Variants in CTNNB1 observed in about 807,000 individuals in gnomAD.
CTNNB1 encodes catenin beta-1.
CTNNB1 carries 6 observed loss-of-function variants against 82.5 expected under a neutral mutation model. That is an observed-to-expected ratio of 0.07 (90% CI 0.04 to 0.14). The LOEUF is 0.14. CTNNB1 is among the 10% of genes least tolerant of loss of function. The pLI is 1.00. For synonymous variants in CTNNB1, 312 were observed against 329.7 expected, an observed-to-expected ratio of 0.95 and a Z score of 0.58; for missense variants, 529 against 980.4, an observed-to-expected ratio of 0.54 and a Z score of 6.15.
Position 41,239,712 on chromosome 3 carries a change from T to G in CTNNB1, c.*370T>G. 5.3e-6 allele frequency: 2 copies of G among 380,734 alleles called. No individual in the cohort carries two copies. The highest frequency in any genetic ancestry group is 9.7e-6 in the Non-Finnish European group (2 of 205,344). The allele number at this position is 380,734 out of a possible 1,614,324, so 23.6% of individuals were successfully genotyped here. ...TGGCCTGTAGAGTTGCTGAGAGGGC[T>G]CGAGGGGTGGGCTGGTATCTCAGAA... is the stretch of plus-strand genomic sequence containing the variant. On this transcript the variant is annotated 3_prime_UTR_variant, in exon 15 of 15. Coordinates refer to ENST00000349496, the MANE Select transcript of CTNNB1 (RefSeq NM_001904.4).
intron 7 of CTNNB1, among the ~76,000 whole-genome samples, chr3:41,231,446 G>C (rs1575326193): frequency 6.6e-6 from 1 of 152,226 alleles, no homozygotes; most frequent in East Asian, 1.9e-4. Flanking sequence ...GGTAAGCAGA[G>C]CCATAACATG....
intron 10 of CTNNB1, chr3:41,235,219 C>T (rs1451284797): frequency 5.9e-6 from 1 of 168,614 alleles, no homozygotes. Context: ...AAGCTATCTT[C>T]CTTCTATACA....
intron 6 of CTNNB1, among the ~76,000 whole-genome samples, chr3:41,226,865 A>T (rs1345267459): frequency 6.6e-6 from 1 of 152,230 alleles, no homozygotes; most frequent in Non-Finnish European, 1.5e-5. Context: ...TCAGTGAATC[A>T]GTTTTGATAT....
intron 1 of CTNNB1, among the ~76,000 whole-genome samples, chr3:41,208,406 C>G (rs2077698943): frequency 6.6e-6 from 1 of 152,114 alleles, no homozygotes; most frequent in African/African-American, 2.4e-5. Flanking sequence ...CTACATATTC[C>G]CATTGTCATA....
chr3:41,231,561 A>G (rs2078310311), intron 7 of CTNNB1, among the ~76,000 whole-genome samples: 1 of 152,170 alleles, frequency 6.6e-6, no homozygotes, highest in African/African-American at 2.4e-5. Context: ...TCAGTTTGGA[A>G]GGCTAGGTGG....
Position 41,234,305 on chromosome 3 carries a change from A to C in CTNNB1, c.1683+8A>C. 1 of 1,614,098 alleles carries C rather than the reference A, an allele frequency of 6.2e-7. No homozygotes were observed. Among genetic ancestry groups the C allele is most frequent in the Non-Finnish European group, 8.5e-7 (1 of 1,179,978 alleles). On this transcript the variant is annotated splice_region_variant and intron_variant, in intron 10 of 14. Transcript: ENST00000349496. ...ACACAGCAGCAATTTGTGGTAGGTAAATTCTTACAGTGATACCTGGCTATC... is the reference window on the plus strand; with the variant it reads ...ACACAGCAGCAATTTGTGGTAGGTACATTCTTACAGTGATACCTGGCTATC...
intron 1 of CTNNB1, among the ~76,000 whole-genome samples, chr3:41,218,389 C>T (rs1051091893): frequency 6.6e-6 from 1 of 152,028 alleles, no homozygotes; most frequent in South Asian, 2.1e-4. Flanking sequence ...GAACTGGTTC[C>T]TCCTTATAGT....
At chr3:41,206,368 T>C (rs1214229685) in intron 1 of CTNNB1, among the ~76,000 whole-genome samples, 1 of 152,176 alleles carries the variant, frequency 6.6e-6, no homozygotes, top group Non-Finnish European at 1.5e-5. Flanking sequence ...TGTGATAAGC[T>C]TCTCTTACTA....
Position 41,228,782 on chromosome 3 carries a change from G to A in CTNNB1, c.1081+1430G>A, listed in dbSNP as rs568559988. 3.9e-5 allele frequency among the ~76,000 whole-genome samples: 6 copies of A among 152,200 alleles called. No homozygotes were observed. In the East Asian group the frequency reaches 9.7e-4, roughly 24 times the overall value. ...TGTTGCAACTTCTCTTGGCATCTTC[G>A]TCATGAAATCTTTGCCAGGTCTTAT... On this transcript the variant is annotated intron_variant, in intron 7 of 14. Coordinates refer to ENST00000349496, the MANE Select transcript of CTNNB1 (RefSeq NM_001904.4).
intron 1 of CTNNB1, among the ~76,000 whole-genome samples, chr3:41,201,997 CTA>C (rs2077542874): frequency 1.3e-5 from 2 of 151,930 alleles, no homozygotes; most frequent in Non-Finnish European, 2.9e-5. Flanking sequence ...GTTAGCAAAA[CTA>C]TTGCAGATAC....
intron 1 of CTNNB1, among the ~76,000 whole-genome samples, chr3:41,217,117 T>A (rs1010650632): frequency 7.2e-5 from 11 of 152,322 alleles, no homozygotes; most frequent in African/African-American, 2.6e-4. Flanking sequence ...TGCCTTCTAG[T>A]TACACTGGTG....
Position 41,239,910 on chromosome 3 carries a change from T to TC in CTNNB1, c.*568_*569insC. ...AGATGGAATTTATCAAACCCTAGCC[T>TC]TGCTTGTTAAATTTTTTTTTTTTTT... On this transcript the variant is annotated 3_prime_UTR_variant, in exon 15 of 15. Transcript: ENST00000349496. 1 of 213,516 alleles carries TC rather than the reference T, an allele frequency of 4.7e-6. No homozygotes were observed. The highest frequency in any genetic ancestry group is 9.3e-6 in the Non-Finnish European group (1 of 107,292). The allele number at this position is 213,516 out of a possible 1,614,324, so 13.2% of individuals were successfully genotyped here. A position where few individuals can be genotyped will look rare whatever the true frequency, so the allele number is the denominator to read the frequency against.
At chr3:41,231,623 C>T (rs1039573529) in intron 7 of CTNNB1, among the ~76,000 whole-genome samples, 1 of 152,160 alleles carries the variant, frequency 6.6e-6, no homozygotes. Context: ...TTTCTATTAT[C>T]TTAAAAGGAT....
Position 41,239,156 on chromosome 3 carries a change from C to T in CTNNB1, c.2160C>T (p.His720=), listed in dbSNP as rs2125653116. The T allele has an allele frequency of 6.2e-7, 1 of 1,614,144 alleles. No homozygotes were observed. Among genetic ancestry groups the T allele is most frequent in the Non-Finnish European group, 8.5e-7 (1 of 1,179,994 alleles). ...TAGATCCTAGCTATCGTTCTTTTCA[C>T]TCTGGTGGATATGGCCAGGATGCCT... ...RQDDPSYRSF[H]SGGYGQDALG... The change falls in exon 15 of 15, where the codon CAC becomes CAT. Residue 720 remains histidine (H), a synonymous_variant. Transcript: ENST00000349496.
rs11564453 is a variant in CTNNB1, at chr3:41,232,982, G to T, written c.1082-359G>T. Among the ~76,000 whole-genome samples, 1,084 of 152,084 alleles carry T rather than the reference G, an allele frequency of 7.1e-3. 33 individuals are homozygous for T. Among genetic ancestry groups the T allele is most frequent in the Admixed American group, 0.059 (902 of 15,282 alleles). ...AACTTCTGAATATTTTTGTTCACTG[G>T]TCTATCTGCAGCTCAGAACAGGACC... On this transcript the variant is annotated intron_variant, in intron 7 of 14. Transcript: ENST00000349496.
intron 1 of CTNNB1, among the ~76,000 whole-genome samples, chr3:41,211,320 C>A (rs2077780641): frequency 6.6e-6 from 1 of 152,126 alleles, no homozygotes; most frequent in Admixed American, 6.5e-5. Context: ...TCTTCATATC[C>A]AAAAATATTA....
chr3:41,210,959 TA>T (rs923788170), intron 1 of CTNNB1: 3 of 449,070 alleles, frequency 6.7e-6, no homozygotes, highest in Non-Finnish European at 1.3e-5. Flanking sequence ...CCTGGCTAAT[TA>T]AAAAAAATTT....
intron 1 of CTNNB1, among the ~76,000 whole-genome samples, chr3:41,223,074 C>T (rs2078088201): frequency 6.7e-6 from 1 of 149,276 alleles, no homozygotes; most frequent in African/African-American, 2.5e-5. Flanking sequence ...AACTCTGTCT[C>T]AAAAAAAAAC....
intron 1 of CTNNB1, among the ~76,000 whole-genome samples, chr3:41,209,230 T>C (rs945532027): frequency 6.6e-6 from 1 of 152,346 alleles, no homozygotes; most frequent in African/African-American, 2.4e-5. Context: ...TTGTGCATAT[T>C]TACTCCAGTA....
Sources: allele counts gnomAD v4.1 joint callset (sites outside exome capture counted in the v4.1 genomes callset), GRCh38; gene constraint gnomAD v4.1.1; transcripts MANE v1.5; gene names NCBI Gene and HGNC (gene_info 2026-07-23, HGNC 2026-07-21).